The following SEMA3C variants were observed in gnomAD, a reference collection of about 807,000 sequenced individuals.
SEMA3C encodes semaphorin-3C.
Under a neutral mutation model 89.4 loss-of-function variants are expected in SEMA3C, and 47 were observed. That is an observed-to-expected ratio of 0.53 (90% CI 0.42 to 0.67). SEMA3C has a LOEUF of 0.67. Among genes scored for constraint, SEMA3C ranks in the 30% least tolerant of loss-of-function variants. The pLI is 0.00. For missense variants in SEMA3C, 839 were observed against 929.1 expected, an observed-to-expected ratio of 0.90 and a Z score of 1.26; for synonymous variants, 310 against 320.2, an observed-to-expected ratio of 0.97 and a Z score of 0.34.
chr7:80,858,412 T>C (rs1790691318), intron 2 of SEMA3C, among the ~76,000 whole-genome samples: 1 of 152,148 alleles, frequency 6.6e-6, no homozygotes, highest in Non-Finnish European at 1.5e-5. Context: ...AAATGTTTAG[T>C]TATACAGATG....
chr7:80,773,795 G>A (rs888167118), intron 12 of SEMA3C, among the ~76,000 whole-genome samples: 2 of 152,198 alleles, frequency 1.3e-5, no homozygotes, highest in African/African-American at 4.8e-5. Context: ...AACACTCTGT[G>A]AGTCTCTGGT....
At chr7:80,826,170 T>A (rs1789868515) in intron 4 of SEMA3C, among the ~76,000 whole-genome samples, 1 of 152,086 alleles carries the variant, frequency 6.6e-6, no homozygotes, top group Non-Finnish European at 1.5e-5. Context: ...TGAAAATAAA[T>A]GTTTCATTTC....
At chr7:80,910,025 C>T (rs1382789052) in intron 2 of SEMA3C, among the ~76,000 whole-genome samples, 2 of 152,086 alleles carry the variant, frequency 1.3e-5, no homozygotes, top group Non-Finnish European at 2.9e-5. Context: ...TGTTAATACT[C>T]ATATTAATAG....
At chr7:80,853,900 G>GTA (rs990537825) in intron 2 of SEMA3C, among the ~76,000 whole-genome samples, 4 of 151,908 alleles carry the variant, frequency 2.6e-5, no homozygotes, top group African/African-American at 9.7e-5. Context: ...ATATGTGTGT[G>GTA]TGTGTGTGTG....
chr7:80,881,384 T>C (rs1791336802), intron 2 of SEMA3C, among the ~76,000 whole-genome samples: 1 of 152,138 alleles, frequency 6.6e-6, no homozygotes, highest in Admixed American at 6.5e-5. Context: ...TTGCAATGTG[T>C]TTTATGGTGA....
chr7:80,765,748 T>G (rs1788286014), intron 12 of SEMA3C, among the ~76,000 whole-genome samples: 1 of 152,078 alleles, frequency 6.6e-6, no homozygotes, highest in East Asian at 1.9e-4. Flanking sequence ...GGCTAATTTT[T>G]TGTATTTTTA....
At chr7:80,791,976 C>G (rs991932260) in intron 11 of SEMA3C, among the ~76,000 whole-genome samples, 4 of 152,144 alleles carry the variant, frequency 2.6e-5, no homozygotes, top group African/African-American at 9.7e-5. Flanking sequence ...TTTTACAGAT[C>G]TGATAAATAT....
intron 2 of SEMA3C, among the ~76,000 whole-genome samples, chr7:80,911,301 C>T (rs2116238722): frequency 6.6e-6 from 1 of 152,226 alleles, no homozygotes; most frequent in East Asian, 1.9e-4. Context: ...ATGGCTGCCA[C>T]AAAGTCAGTA....
chr7:80,771,492 A>AT (rs1398848397), intron 12 of SEMA3C, among the ~76,000 whole-genome samples: 1 of 152,084 alleles, frequency 6.6e-6, no homozygotes, highest in Non-Finnish European at 1.5e-5. Context: ...ATACTATCTA[A>AT]TTTTTTTCTA....
upstream of SEMA3C, chr7:80,919,356 C>T: frequency 2.0e-6 from 2 of 985,312 alleles, no homozygotes; most frequent in Non-Finnish European, 2.4e-6. Flanking sequence ...CAGTCCGCGG[C>T]GGAGTGAGCA....
chr7:80,816,011 TC>T (rs565662371), intron 5 of SEMA3C: 1 of 152,152 alleles, frequency 6.6e-6, no homozygotes, highest in Non-Finnish European at 1.5e-5. Flanking sequence ...TTTATCTTTT[TC>T]CAGGAACAGA....
intron 2 of SEMA3C, among the ~76,000 whole-genome samples, chr7:80,880,586 G>C (rs1791310930): frequency 6.6e-6 from 1 of 152,270 alleles, no homozygotes; most frequent in Middle Eastern, 3.4e-3. Flanking sequence ...ACTGAAATGT[G>C]TTCACTTTTA....
chr7:80,833,532 C>T (rs1424140457), intron 2 of SEMA3C, among the ~76,000 whole-genome samples: 1 of 151,924 alleles, frequency 6.6e-6, no homozygotes, highest in East Asian at 1.9e-4. Flanking sequence ...CTGCAGGGAG[C>T]AATAGCTACA....
intron 2 of SEMA3C, among the ~76,000 whole-genome samples, chr7:80,852,785 T>C (rs1790544986): frequency 6.6e-6 from 1 of 151,488 alleles, no homozygotes; most frequent in Non-Finnish European, 1.5e-5. Context: ...TTCATGCCAT[T>C]CTCCTGCCTC....
chr7:80,816,319 C>T (rs1789606492), intron 5 of SEMA3C: 2 of 152,130 alleles, frequency 1.3e-5, no homozygotes, highest in Admixed American at 1.3e-4. Flanking sequence ...CTCTGCCAAC[C>T]TAACTTGGTT....
Position 80,873,240 on chromosome 7 carries a change from A to G in SEMA3C, c.103+43439T>C, listed in dbSNP as rs554152181. On this transcript the variant is annotated intron_variant, in intron 2 of 17. Coordinates refer to ENST00000265361, the MANE Select transcript of SEMA3C (RefSeq NM_006379.5). The stretch of plus-strand genomic sequence containing the variant: ...TGTGGTGAGACTGTGGTGAGCAGGG[A>G]AAAGTGTGGTATAAACTGGTTGCAG... Among the ~76,000 whole-genome samples, 6 of 152,324 alleles carry G rather than the reference A, an allele frequency of 3.9e-5. No homozygotes were observed. The East Asian group carries it at 1.2e-3, about 29-fold the overall frequency.
chr7:80,921,981 ACT>A (rs2116279619), upstream of SEMA3C, among the ~76,000 whole-genome samples: 1 of 152,318 alleles, frequency 6.6e-6, no homozygotes, highest in Non-Finnish European at 1.5e-5. Flanking sequence ...ATGTAAATAA[ACT>A]TTACCCTAAC....
intron 17 of SEMA3C, among the ~76,000 whole-genome samples, chr7:80,748,685 T>C (rs995014097): frequency 2.0e-5 from 3 of 152,162 alleles, no homozygotes; most frequent in Non-Finnish European, 2.9e-5. Flanking sequence ...TCAATCACCA[T>C]GTTACAGAGG....
intron 2 of SEMA3C, among the ~76,000 whole-genome samples, chr7:80,877,297 C>T (rs1320676268): frequency 6.6e-6 from 1 of 152,176 alleles, no homozygotes. Flanking sequence ...CAACCACATA[C>T]TTTTAACAAG....
Sources: gnomAD v4.1 joint callset for allele counts (sites outside exome capture counted in the v4.1 genomes callset) on GRCh38, gnomAD v4.1.1 for gene constraint, MANE v1.5 for transcripts, NCBI Gene and HGNC (gene_info 2026-07-23, HGNC 2026-07-21) for gene names.